Variants in RNF213 observed in about 807,000 individuals in gnomAD.
RNF213 encodes the protein E3 ubiquitin-protein ligase RNF213.
RNF213 carries 341 observed loss-of-function variants against 514.4 expected under a neutral mutation model. The observed-to-expected ratio is 0.66, with a 90% CI of 0.61 to 0.73. The LOEUF (loss-of-function observed/expected upper bound fraction) is 0.73, where lower values mean the gene tolerates loss of function less well. RNF213 is among the 30% of genes least tolerant of loss of function. RNF213 has a pLI of 0.00. For missense variants in RNF213, 5,767 were observed against 6,615.6 expected (o/e 0.87, Z 4.45); for synonymous variants, 2,655 against 2,658.2 (o/e 1.00, Z 0.04).
At chr17:80,324,958 T>C (rs1308498568) in intron 17 of RNF213, 72 bp from the exon 18 acceptor site, 18 of 1,416,594 alleles carry the variant, frequency 1.3e-5, no homozygotes, top group Non-Finnish European at 1.6e-5. Context: ...GAGTAGGTAA[T>C]TTGCTTTTGT....
intron 3 of RNF213, among the ~76,000 whole-genome samples, chr17:80,273,789 T>G (rs1395138518): frequency 1.3e-5 from 2 of 151,920 alleles, no homozygotes; most frequent in Non-Finnish European, 2.9e-5. Context: ...CCAGCTAATT[T>G]TTTTGTATTT....
intron 61 of RNF213, 88 bp from the exon 62 acceptor site, chr17:80,386,162 G>C: frequency 1.5e-6 from 2 of 1,310,976 alleles, no homozygotes; most frequent in East Asian, 4.6e-5. Context: ...GTGTGGAGCT[G>C]ATGGCTTCTG....
chr17:80,273,513 T>G, intron 3 of RNF213, 109 bp downstream of exon 3: 1 of 1,397,860 alleles, frequency 7.2e-7, no homozygotes, highest in Non-Finnish European at 9.8e-7. Context: ...GCCCAGCCCA[T>G]TGAACCTGCC....
chr17:80,277,424 C>T (rs375529318), intron 3 of RNF213, among the ~76,000 whole-genome samples: 4 of 151,870 alleles, frequency 2.6e-5, no homozygotes, highest in Non-Finnish European at 5.9e-5. Context: ...ATGGGGAAAC[C>T]CCGTCTCTAC....
intron 18 of RNF213, 65 bp from the exon 19 acceptor site, chr17:80,327,751 C>T (rs893297228): frequency 3.0e-5 from 41 of 1,375,402 alleles, no homozygotes; most frequent in African/African-American, 4.3e-5. Flanking sequence ...GGAATTCCCA[C>T]GGTAACGGCA....
At chr17:80,354,835 C>T (rs2078672550) in intron 36 of RNF213, 2 of 529,378 alleles carry the variant, frequency 3.8e-6, no homozygotes, top group Non-Finnish European at 6.8e-6. Flanking sequence ...AGTAAAACAT[C>T]TGTTCTTAGA....
In RNF213 at chr17:80,353,205, C is replaced by A; in HGVS notation, c.10423+146C>A. 1 of 1,140,652 alleles carries A rather than the reference C, an allele frequency of 8.8e-7. No homozygotes were observed. The highest frequency in any genetic ancestry group is 1.3e-6 in the Non-Finnish European group (1 of 786,550). The allele number at this position is 1,140,652 out of a possible 1,614,324, so 70.7% of individuals were successfully genotyped here. ...CTCGGGGACACATCTGCAGAACTGA[C>A]TGGTGGCTCATCATAGAGCACCAGG... On this transcript the variant is annotated intron_variant, in intron 33 of 67. Coordinates refer to ENST00000582970, the MANE Select transcript of RNF213 (RefSeq NM_001256071.3). This position sits in a 1 kb window ranked among gnomAD's most constrained non-coding sequence, Gnocchi z 5.0.
chr17:80,344,003 C>G lies in RNF213; in HGVS notation c.6330C>G (p.Ser2110Arg), dbSNP rs1464339276. The G allele has an allele frequency of 1.2e-6, 2 of 1,614,096 alleles. No individual in the cohort carries two copies. Among genetic ancestry groups the G allele is most frequent in the African/African-American group, 2.7e-5 (2 of 74,924 alleles). Residue 2110 changes from serine (S) to arginine (R), a missense_variant, in exon 28 of 68, where the codon AGC (serine) becomes AGG (arginine). By Grantham distance (110) the Ser-to-Arg change is moderately radical (BLOSUM62 -1). This residue lies in a region of RNF213 where 1,377 missense variants were observed against 1,635.2 expected (regional missense o/e 0.84). Transcript: ENST00000582970. ...GGAGGACGTCAGTGCCGTCGAGGAG[C>G]TCTTCAGCGCTGGTCTGTACTGTGG... The part of the protein sequence containing the change: ...LERRTSVPSR[S>R]SSALRTRVPQ...
Position 80,346,194 on chromosome 17 carries a change from G to A in RNF213, c.7859G>A (p.Cys2620Tyr), listed in dbSNP as rs1013705325. ...ACTCGCGTGATCACAGAAGTCCTCT[G>A]CGCCTCTCAGGGTTTCATGAGGAAA... is the stretch of plus-strand genomic sequence containing the variant. Reference protein sequence around the residue: ...NGTRVITEVLCASQGFMRKTE... With the variant: ...NGTRVITEVLYASQGFMRKTE... Residue 2620 changes from cysteine to tyrosine, a missense_variant, in exon 29 of 68, where the codon TGC becomes TAC. By Grantham distance (194) the Cys-to-Tyr change is radical. Around this residue, in one of 13 missense-constraint regions of RNF213, gnomAD observed 1,377 missense variants for 1,635.2 expected, o/e 0.84. Coordinates refer to ENST00000582970, the MANE Select transcript of RNF213 (RefSeq NM_001256071.3). This position sits in a 1 kb window ranked among gnomAD's most constrained non-coding sequence, Gnocchi z 8.1. The A allele has an allele frequency of 1.2e-6, 2 of 1,614,218 alleles. No individual in the cohort carries two copies. The highest frequency in any genetic ancestry group is 1.1e-5 in the South Asian group (1 of 91,082).
rs2077987491 is a variant in RNF213, at chr17:80,336,360, G to A, written c.4509G>A (p.Gln1503=). 1.3e-6 allele frequency: 2 copies of A among 1,537,306 alleles called. No homozygotes were observed. The highest frequency in any genetic ancestry group is 2.4e-5 in the East Asian group (1 of 40,918). ...KKLWKALDKD[Q]YLPRKLCDSA... ...TGTGGAAGGCTCTGGATAAGGACCA[G>A]TACCTGCCCAGGAAACTGGTGAGTC... is the stretch of plus-strand genomic sequence containing the variant. Residue 1503 remains glutamine (Q), a synonymous_variant, in exon 23 of 68, where the codon CAG becomes CAA. Coordinates refer to ENST00000582970, the MANE Select transcript of RNF213 (RefSeq NM_001256071.3).
At position 80,327,658 on chromosome 17, in the gene RNF213, G is replaced by T. The variant is rs139035227; in HGVS notation, c.3194-158G>T. Reference sequence around the variant, plus strand: ...AACCCTCGTGGGGGAAAGCAGAAGGGAGTGGAATGATTGGCGCATCTGGAG... The same window carrying T: ...AACCCTCGTGGGGGAAAGCAGAAGGTAGTGGAATGATTGGCGCATCTGGAG... On this transcript the variant is annotated intron_variant, in intron 18 of 67. Transcript: ENST00000582970. 5.3e-5 allele frequency among the ~76,000 whole-genome samples: 8 copies of T among 152,314 alleles called. No individual in the cohort carries two copies. In the East Asian group the frequency reaches 1.4e-3, roughly 26 times the overall value.
At chr17:80,370,396 C>G (rs2079468927) in intron 46 of RNF213, among the ~76,000 whole-genome samples, 1 of 152,112 alleles carries the variant, frequency 6.6e-6, no homozygotes, top group Non-Finnish European at 1.5e-5. Flanking sequence ...AGGTAGGTCT[C>G]TGAGGTTAAA....
chr17:80,335,268 G>A lies in RNF213; in HGVS notation c.4310-893G>A, dbSNP rs144053288. Among the ~76,000 whole-genome samples, 122 of 152,232 alleles carry A rather than the reference G, an allele frequency of 8.0e-4. No individual in the cohort carries two copies. The East Asian group carries it at 0.021, about 26-fold the overall frequency. On this transcript the variant is annotated intron_variant, in intron 22 of 67. Transcript: ENST00000582970. ...TTTCTCACTTCTCCATTGATGCTGT[G>A]CGTTTCTTGGCAGCCTCTTCAGTTC...
At chr17:80,307,488 G>A (rs529366505) in intron 13 of RNF213, among the ~76,000 whole-genome samples, 19 of 149,966 alleles carry the variant, frequency 1.3e-4, no homozygotes, top group African/African-American at 4.7e-4. Context: ...TCAGCCTCCC[G>A]AGTAGCTGGG....
In RNF213 at chr17:80,337,666, G is replaced by A; in HGVS notation, c.4608G>A (p.Leu1536=). 2.0e-6 allele frequency: 3 copies of A among 1,537,286 alleles called. No individual in the cohort carries two copies. Among genetic ancestry groups the A allele is most frequent in the Non-Finnish European group, 2.6e-6 (3 of 1,146,920 alleles). ...HGSVERSSLT[L]ATAINQRGIY... ...CTGTGGAACGCTCATCCCTGACCCT[G>A]GCCACGGCCATCAACCAAAGAGGCA... Residue 1536 remains leucine, a synonymous_variant, in exon 24 of 68, where the codon CTG becomes CTA. Transcript: ENST00000582970.
Position 80,389,168 on chromosome 17 carries a change from C to G in RNF213, c.15001-5C>G. On this transcript the variant is annotated splice_region_variant and splice_polypyrimidine_tract_variant and intron_variant, in intron 64 of 67. Coordinates refer to ENST00000582970, the MANE Select transcript of RNF213 (RefSeq NM_001256071.3). ...GACATCCCTCTCCTGCTTTTCATTT[C>G]CCAGGACTCCCTCCCCAGCTCGGTC... The G allele has an allele frequency of 6.2e-7, 1 of 1,613,916 alleles. No homozygotes were observed. Among genetic ancestry groups the G allele is most frequent in the Non-Finnish European group, 8.5e-7 (1 of 1,179,822 alleles).
intron 2 of RNF213, among the ~76,000 whole-genome samples, chr17:80,269,694 T>C (rs1031431309): frequency 2.0e-5 from 3 of 152,106 alleles, no homozygotes; most frequent in Admixed American, 2.0e-4. Context: ...TCTATCTATG[T>C]ATCTATCTTA....
chr17:80,346,600 G>C lies in RNF213; in HGVS notation c.8265G>C (p.Met2755Ile). 2 of 1,613,260 alleles carry C rather than the reference G, an allele frequency of 1.2e-6. No homozygotes were observed. Among genetic ancestry groups the C allele is most frequent in the South Asian group, 1.1e-5 (1 of 91,082 alleles). ...CCTTGAAGGAGAACGTCTTCATGATGGTCGTCTGCATCGAGCTGAAGATTC... is the reference window on the plus strand; with the variant it reads ...CCTTGAAGGAGAACGTCTTCATGATCGTCGTCTGCATCGAGCTGAAGATTC... ...NLALKENVFM[M>I]VVCIELKIPL... Residue 2755 changes from methionine (M) to isoleucine (I), a missense_variant, in exon 29 of 68, where the codon ATG (methionine) becomes ATC (isoleucine). Physicochemically the swap from Met to Ile is conservative, Grantham distance 10 (BLOSUM62 1). Transcript: ENST00000582970. This position sits in a 1 kb window ranked among gnomAD's most constrained non-coding sequence, Gnocchi z 8.1.
chr17:80,384,454 C>G (rs1326859723), intron 59 of RNF213, among the ~76,000 whole-genome samples: 2 of 152,208 alleles, frequency 1.3e-5, no homozygotes, highest in Non-Finnish European at 2.9e-5. Flanking sequence ...TTTGCACTTT[C>G]ATTTTCTACA....
Sources: allele counts gnomAD v4.1 joint callset (sites outside exome capture counted in the v4.1 genomes callset), GRCh38; gene constraint gnomAD v4.1.1; regional missense constraint gnomAD v4.1.1; non-coding constraint Gnocchi (gnomAD v3.1); transcripts MANE v1.5; gene names NCBI Gene and HGNC (gene_info 2026-07-23, HGNC 2026-07-21).